Variants in ERBB4 observed in about 807,000 individuals in gnomAD.
ERBB4 encodes receptor tyrosine-protein kinase erbB-4.
In ERBB4, 42 loss-of-function variants were observed where a neutral mutation model predicts 158.0. The ratio of observed to expected loss-of-function variants is 0.27; its 90% CI spans 0.21 to 0.34. ERBB4 has a LOEUF of 0.34. ERBB4 is among the 10% of genes least tolerant of loss of function. The probability of loss-of-function intolerance (pLI) is 1.00; values close to 1 mark genes in which losing one functional copy is unlikely to be tolerated. For missense variants in ERBB4, 1,333 were observed against 1,624.1 expected (o/e 0.82, Z 3.08); for synonymous variants, 583 against 558.7 (o/e 1.04, Z -0.61).
chr2:212,250,507 G>T (rs1355767703), intron 1 of ERBB4, among the ~76,000 whole-genome samples: 1 of 151,904 alleles, frequency 6.6e-6, no homozygotes, highest in Non-Finnish European at 1.5e-5. Flanking sequence ...AGATAAATGA[G>T]ATTGCGAGAT....
rs572045720 is a variant in ERBB4, at chr2:212,217,965, C to T, written c.83-93062G>A. Among the ~76,000 whole-genome samples the T allele has an allele frequency of 9.3e-5, 14 of 151,224 alleles. No individual in the cohort carries two copies. The South Asian group carries it at 2.9e-3, about 31-fold the overall frequency. On this transcript the variant is annotated intron_variant, in intron 1 of 27. Coordinates refer to ENST00000342788, the MANE Select transcript of ERBB4 (RefSeq NM_005235.3). ...GTTGAATCAGCACATATCATGACAA[C>T]CCAAAGATCAATAACTATTTGTAAA...
At chr2:212,413,508 GATC>G (rs1157209812) in intron 1 of ERBB4, among the ~76,000 whole-genome samples, 1 of 152,008 alleles carries the variant, frequency 6.6e-6, no homozygotes, top group Admixed American at 6.6e-5. Flanking sequence ...TAATTATGGT[GATC>G]ATAATTAATA....
intron 18 of ERBB4, among the ~76,000 whole-genome samples, chr2:211,621,001 G>A (rs914044618): frequency 6.6e-6 from 1 of 152,118 alleles, no homozygotes; most frequent in Admixed American, 6.6e-5. Flanking sequence ...TGTGGTCCCA[G>A]CTACTCAGGA....
At chr2:212,139,927 G>A (rs2080394919) in intron 1 of ERBB4, among the ~76,000 whole-genome samples, 1 of 151,218 alleles carries the variant, frequency 6.6e-6, no homozygotes, top group Non-Finnish European at 1.5e-5. Context: ...ATATAAATAA[G>A]TATCTTTTTT....
Position 212,017,234 on chromosome 2 carries a change from A to G in ERBB4, c.235-69618T>C, listed in dbSNP as rs1010120310. On this transcript the variant is annotated intron_variant, in intron 2 of 27. Coordinates refer to ENST00000342788, the MANE Select transcript of ERBB4 (RefSeq NM_005235.3). ...TTTAAATAATTTCTTGGAAAAATACATTGTTTTTATTCTTAAAAAATAAGT... is the reference window on the plus strand; with the variant it reads ...TTTAAATAATTTCTTGGAAAAATACGTTGTTTTTATTCTTAAAAAATAAGT... Among the ~76,000 whole-genome samples the G allele has an allele frequency of 2.0e-5, 3 of 152,134 alleles. No homozygotes were observed. In the East Asian group the frequency reaches 5.8e-4, roughly 29 times the overall value.
intron 1 of ERBB4, among the ~76,000 whole-genome samples, chr2:212,334,155 T>G (rs1360076288): frequency 2.0e-5 from 3 of 152,036 alleles, no homozygotes; most frequent in African/African-American, 7.2e-5. Context: ...GATGATAATG[T>G]TAGCTAGAGT....
At chr2:211,780,870 T>C (rs1207069185) in intron 4 of ERBB4, among the ~76,000 whole-genome samples, 1 of 152,334 alleles carries the variant, frequency 6.6e-6, no homozygotes, top group Non-Finnish European at 1.5e-5. Context: ...ATCCTTTCCA[T>C]GTCTGATGTT....
intron 1 of ERBB4, among the ~76,000 whole-genome samples, chr2:212,312,205 C>T (rs1477807221): frequency 4.0e-5 from 6 of 150,886 alleles, no homozygotes; most frequent in Non-Finnish European, 7.4e-5. Context: ...AGGATGGCCC[C>T]GGTCAGAAAA....
At chr2:211,466,111 T>G (rs2064680529) in intron 20 of ERBB4, among the ~76,000 whole-genome samples, 1 of 152,134 alleles carries the variant, frequency 6.6e-6, no homozygotes, top group South Asian at 2.1e-4. Context: ...GGGCACTTTG[T>G]TACCATTCTG....
intron 1 of ERBB4, among the ~76,000 whole-genome samples, chr2:212,455,130 G>A (rs945320118): frequency 2.7e-5 from 4 of 150,052 alleles, no homozygotes; most frequent in African/African-American, 7.3e-5. Flanking sequence ...TTTGAATTGA[G>A]GACTTCATTA....
intron 3 of ERBB4, among the ~76,000 whole-genome samples, chr2:211,832,299 A>G (rs1213486481): frequency 6.6e-6 from 1 of 152,146 alleles, no homozygotes; most frequent in Non-Finnish European, 1.5e-5. Flanking sequence ...TTCTGTCCTT[A>G]CTGAGAATAA....
chr2:211,738,400 G>A (rs1229718321), intron 5 of ERBB4, among the ~76,000 whole-genome samples: 2 of 124,770 alleles, frequency 1.6e-5, no homozygotes, highest in South Asian at 2.4e-4. Flanking sequence ...ACAGAGTCTT[G>A]CTCTGTTGCC....
At chr2:212,332,236 G>C (rs1421191988) in intron 1 of ERBB4, among the ~76,000 whole-genome samples, 15 of 151,968 alleles carry the variant, frequency 9.9e-5, no homozygotes, top group Admixed American at 9.8e-4. Context: ...GTTTTATAAG[G>C]GGGAAACCCA....
At chr2:211,849,815 C>A (rs2106028269) in intron 3 of ERBB4, among the ~76,000 whole-genome samples, 1 of 148,872 alleles carries the variant, frequency 6.7e-6, no homozygotes, top group East Asian at 2.0e-4. Context: ...AAAAGTATAT[C>A]TTACTGCCCA....
chr2:211,980,839 T>G (rs1356071844), intron 2 of ERBB4, among the ~76,000 whole-genome samples: 1 of 152,152 alleles, frequency 6.6e-6, no homozygotes, highest in Non-Finnish European at 1.5e-5. Context: ...AAATATAGTA[T>G]AAGGAAATCC....
At chr2:211,863,967 T>C (rs951311121) in intron 3 of ERBB4, among the ~76,000 whole-genome samples, 1 of 152,122 alleles carries the variant, frequency 6.6e-6, no homozygotes, top group African/African-American at 2.4e-5. Context: ...GGAGGTAGGA[T>C]CCAGAGTGAG....
chr2:211,504,113 G>A (rs1013072489), intron 20 of ERBB4, among the ~76,000 whole-genome samples: 6 of 152,082 alleles, frequency 3.9e-5, no homozygotes. Context: ...GTGCTCAGCT[G>A]GTTCTTACCT....
chr2:211,640,590 G>T (rs924741208), intron 16 of ERBB4, among the ~76,000 whole-genome samples: 1 of 152,162 alleles, frequency 6.6e-6, no homozygotes, highest in Non-Finnish European at 1.5e-5. Flanking sequence ...TAACTGGATA[G>T]TCAAGCCTAG....
At chr2:211,450,112 A>C (rs7567117) in intron 20 of ERBB4, among the ~76,000 whole-genome samples, 13,047 of 152,208 alleles carry the variant, frequency 0.086, 1,894 homozygotes, top group African/African-American at 0.3. Flanking sequence ...TAACTGAGGC[A>C]GCCTGGTTTC....
Sources: allele counts gnomAD v4.1 joint callset (sites outside exome capture counted in the v4.1 genomes callset), GRCh38; gene constraint gnomAD v4.1.1; transcripts MANE v1.5; gene names NCBI Gene and HGNC (gene_info 2026-07-23, HGNC 2026-07-21).